Variants in ARID3A observed in about 807,000 individuals in gnomAD.
ARID3A encodes the protein AT-rich interaction domain 3A.
ARID3A carries 11 observed loss-of-function variants against 52.7 expected under a neutral mutation model. The ratio of observed to expected loss-of-function variants is 0.21; its 90% CI spans 0.13 to 0.35. The LOEUF (loss-of-function observed/expected upper bound fraction) is 0.35, where lower values mean the gene tolerates loss of function less well. ARID3A is among the 10% of genes least tolerant of loss of function. The pLI is 1.00. For missense variants in ARID3A, 721 were observed against 838.5 expected, an observed-to-expected ratio of 0.86 and a Z score of 1.73; for synonymous variants, 404 against 359.4, an observed-to-expected ratio of 1.12 and a Z score of -1.40.
At chr19:955,678 G>T (rs988646319) in intron 3 of ARID3A, among the ~76,000 whole-genome samples, 1 of 152,144 alleles carries the variant, frequency 6.6e-6, no homozygotes, top group African/African-American at 2.4e-5. Context: ...AGGAGGTGCG[G>T]TGAGGTTTCT....
intron 2 of ARID3A, among the ~76,000 whole-genome samples, chr19:930,907 T>C (rs963739705): frequency 6.6e-6 from 1 of 152,328 alleles, no homozygotes; most frequent in Non-Finnish European, 1.5e-5. Flanking sequence ...CGGCTGGACC[T>C]GCATAGCGTG....
chr19:972,246 TAC>T lies in ARID3A; in HGVS notation c.*184_*185del, dbSNP rs35509190. The T allele has an allele frequency of 0.049, 9,002 of 182,218 alleles. 113 individuals are homozygous for T. The highest frequency in any genetic ancestry group is 0.078 in the Middle Eastern group (37 of 472). 11.3% of individuals were successfully genotyped at this position (182,218 alleles called of 1,614,324 possible). On this transcript the variant is annotated 3_prime_UTR_variant, in exon 9 of 9. Coordinates refer to ENST00000263620, the MANE Select transcript of ARID3A (RefSeq NM_005224.3). ...AGATATATATATATATATATATATA[TAC>T]ACGTATATATATAAAGAGAATTTAA... is the stretch of plus-strand genomic sequence containing the variant.
In ARID3A at chr19:941,779, C is replaced by CTGTGTGTGTGTGTGTG. The variant is rs34643064; in HGVS notation, c.693+9051_693+9066dup. Among the ~76,000 whole-genome samples the CTGTGTGTGTGTGTGTG allele has an allele frequency of 1.4e-5, 2 of 146,168 alleles. No individual in the cohort carries two copies. The highest frequency in any genetic ancestry group is 5.1e-5 in the African/African-American group (2 of 39,528). On this transcript the variant is annotated intron_variant, in intron 3 of 8. Coordinates refer to ENST00000263620, the MANE Select transcript of ARID3A (RefSeq NM_005224.3). The surrounding 1 kb of genome is among the most constrained non-coding windows in gnomAD (Gnocchi z 6.9). Reference sequence around the variant, plus strand: ...TCTCTTGTGTTTTGTGTGGATGTGGCTGTGTGTGTGTGTGTGTGTGTGTGT... The same window carrying CTGTGTGTGTGTGTGTG: ...TCTCTTGTGTTTTGTGTGGATGTGGCTGTGTGTGTGTGTGTGTGTGTGTGTGTGTGTGTGTGTGTGT...
chr19:965,101 T>TG (rs2038121190), intron 6 of ARID3A, 21 bp downstream of exon 6: 1 of 1,582,172 alleles, frequency 6.3e-7, no homozygotes, highest in African/African-American at 1.3e-5. Context: ...GTATGGGGCC[T>TG]GGGGCGTGTT....
At chr19:933,683 C>T (rs1031781986) in intron 3 of ARID3A, among the ~76,000 whole-genome samples, 7 of 152,146 alleles carry the variant, frequency 4.6e-5, no homozygotes, top group South Asian at 2.1e-4. Flanking sequence ...GGGGCCTCCC[C>T]GGGGCTCCTG....
chr19:942,027 C>T lies in ARID3A; in HGVS notation c.693+9285C>T, dbSNP rs2037566602. ...GACCCCCGGGGCTGCTAGAGAGTGG[C>T]GCTGTCTGTCTTGGTCAGCAGCGCG... On this transcript the variant is annotated intron_variant, in intron 3 of 8. Transcript: ENST00000263620. The surrounding 1 kb of genome is among the most constrained non-coding windows in gnomAD (Gnocchi z 8.1). 6.6e-6 allele frequency among the ~76,000 whole-genome samples: 1 copy of T among 152,256 alleles called. No individual in the cohort carries two copies. Among genetic ancestry groups the T allele is most frequent in the Admixed American group, 6.5e-5 (1 of 15,300 alleles).
chr19:933,750 G>A (rs1382284369), intron 3 of ARID3A, among the ~76,000 whole-genome samples: 1 of 150,928 alleles, frequency 6.6e-6, no homozygotes, highest in Non-Finnish European at 1.5e-5. Context: ...GCCCTCAAGA[G>A]ACTTAAGGTT....
At chr19:934,422 A>C (rs1009633390) in intron 3 of ARID3A, among the ~76,000 whole-genome samples, 1 of 152,218 alleles carries the variant, frequency 6.6e-6, no homozygotes, top group Non-Finnish European at 1.5e-5. Context: ...CAGGAGGCAG[A>C]AGCCACTGTC....
In ARID3A at chr19:973,025, A is replaced by G; in HGVS notation, c.*960A>G. The G allele has an allele frequency of 5.2e-6, 1 of 191,612 alleles. No individual in the cohort carries two copies. The highest frequency in any genetic ancestry group is 2.4e-5 in the African/African-American group (1 of 42,294). 11.9% of individuals were successfully genotyped at this position (191,612 alleles called of 1,614,324 possible). On this transcript the variant is annotated 3_prime_UTR_variant, in exon 9 of 9. Transcript: ENST00000263620. ...CACCGGCCAGGGGCCCCTGACAGTG[A>G]ATTGCTGACTGTGATATTCCACGAT...
Position 974,372 on chromosome 19 carries a change from G to C in ARID3A, c.*2307G>C, listed in dbSNP as rs894079206. 1 of 229,668 alleles carries C rather than the reference G, an allele frequency of 4.4e-6. No homozygotes were observed. Among genetic ancestry groups the C allele is most frequent in the Non-Finnish European group, 8.6e-6 (1 of 115,808 alleles). The allele number at this position is 229,668 out of a possible 1,614,324, so 14.2% of individuals were successfully genotyped here. ...GCAGCACAATCACCCCGGGAAGGGG[G>C]TGTCTGTTTGCCTCCAGACACAATC... On this transcript the variant is annotated 3_prime_UTR_variant, in exon 9 of 9. Coordinates refer to ENST00000263620, the MANE Select transcript of ARID3A (RefSeq NM_005224.3).
chr19:960,208 CAG>C lies in ARID3A; in HGVS notation c.766+45_766+46del. The C allele has an allele frequency of 6.4e-7, 1 of 1,563,592 alleles. No homozygotes were observed. The highest frequency in any genetic ancestry group is 1.1e-5 in the South Asian group (1 of 87,348). ...CCCCGCTGGAGGGAGGTCACAGAAA[CAG>C]GGCTGTAGGAGGGGCCCTACTGGCT... On this transcript the variant is annotated intron_variant, in intron 4 of 8. Transcript: ENST00000263620. The surrounding 1 kb of genome is among the most constrained non-coding windows in gnomAD (Gnocchi z 4.3).
chr19:960,110 G>C lies in ARID3A; in HGVS notation c.712G>C (p.Asp238His), dbSNP rs1407389507. Residue 238 changes from aspartate (D) to histidine (H), a missense_variant, in exon 4 of 9, where the codon GAC becomes CAC. Asp to His is a moderately conservative substitution (Grantham distance 81, BLOSUM62 -1). This residue lies in a region of ARID3A where 27 missense variants were observed against 35.7 expected (regional missense o/e 0.76). Transcript: ENST00000263620. This position sits in a 1 kb window ranked among gnomAD's most constrained non-coding sequence, Gnocchi z 4.3. ...QFKQLYELDGDPKRKEFLDDL... is the reference protein window; with the variant it reads ...QFKQLYELDGHPKRKEFLDDL... ...CTCACAGCTCTACGAACTCGACGGG[G>C]ACCCCAAGAGGAAGGAATTCCTGGA... 1.9e-6 allele frequency: 3 copies of C among 1,613,142 alleles called. No homozygotes were observed. In the Admixed American group the frequency reaches 5.0e-5, roughly 27 times the overall value.
At chr19:935,627 G>A (rs1053474403) in intron 3 of ARID3A, among the ~76,000 whole-genome samples, 6 of 152,062 alleles carry the variant, frequency 3.9e-5, no homozygotes, top group Admixed American at 6.6e-5. Flanking sequence ...ACAGACGGGC[G>A]CCACCAAACT....
At chr19:953,575 C>A (rs545970461) in intron 3 of ARID3A, among the ~76,000 whole-genome samples, 1 of 152,208 alleles carries the variant, frequency 6.6e-6, no homozygotes, top group Non-Finnish European at 1.5e-5. Context: ...ATCCGTGTAA[C>A]GGGGCTCGGG....
chr19:974,701 G>A lies in ARID3A; in HGVS notation c.*2636G>A, dbSNP rs1188272513. On this transcript the variant is annotated 3_prime_UTR_variant, in exon 9 of 9. Coordinates refer to ENST00000263620, the MANE Select transcript of ARID3A (RefSeq NM_005224.3). ...CCACCTCGGAGCCTGGGGAGGGGCC[G>A]TGCAGGGTCGAGGGCTGGGTCGTCT... The A allele has an allele frequency of 2.6e-5, 6 of 231,230 alleles. No individual in the cohort carries two copies. The East Asian group carries it at 3.0e-4, about 12-fold the overall frequency. The allele number at this position is 231,230 out of a possible 1,614,324, so 14.3% of individuals were successfully genotyped here. A position where few individuals can be genotyped will look rare whatever the true frequency, so the allele number is the denominator to read the frequency against.
intron 3 of ARID3A, among the ~76,000 whole-genome samples, chr19:958,744 T>G (rs990171725): frequency 1.4e-4 from 22 of 151,814 alleles, no homozygotes; most frequent in African/African-American, 5.1e-4. Flanking sequence ...ATACAAAAAA[T>G]TATCCGGGCG....
chr19:965,386 T>A (rs1424575422), intron 6 of ARID3A: 2 of 313,012 alleles, frequency 6.4e-6, no homozygotes, highest in Non-Finnish European at 1.2e-5. Flanking sequence ...GCAGGCATCA[T>A]CAGTTGATCA....
rs56404084 is a variant in ARID3A at position 973,104 on chromosome 19, A to ATTTTTTTT, written c.*1053_*1060dup. On this transcript the variant is annotated 3_prime_UTR_variant, in exon 9 of 9. Transcript: ENST00000263620. ...GGGCTCTCGAGTCAGGGGCCTGGAA[A>ATTTTTTTT]TTTTTTTTTTTTTTTTTTTTTGAGA... 5.6e-3 allele frequency: 303 copies of ATTTTTTTT among 53,664 alleles called. 54 individuals are homozygous for ATTTTTTTT. Among genetic ancestry groups the ATTTTTTTT allele is most frequent in the African/African-American group, 8.6e-3 (122 of 14,258 alleles). 3.3% of individuals were successfully genotyped at this position (53,664 alleles called of 1,614,324 possible).
chr19:935,023 G>A (rs988286235), intron 3 of ARID3A, among the ~76,000 whole-genome samples: 2 of 152,180 alleles, frequency 1.3e-5, no homozygotes, highest in Non-Finnish European at 2.9e-5. Context: ...GGCCCAACCA[G>A]CCCAGTCAGT....
Sources: allele counts gnomAD v4.1 joint callset (sites outside exome capture counted in the v4.1 genomes callset), GRCh38; gene constraint gnomAD v4.1.1; regional missense constraint gnomAD v4.1.1; non-coding constraint Gnocchi (gnomAD v3.1); transcripts MANE v1.5; gene names NCBI Gene and HGNC (gene_info 2026-07-23, HGNC 2026-07-21).